Variants in SMYD2 observed in about 807,000 individuals in gnomAD.
SMYD2 encodes SET and MYND domain containing 2, also known as N-lysine methyltransferase SMYD2.
Under a neutral mutation model 59.1 loss-of-function variants are expected in SMYD2, and 53 were observed. That is an observed-to-expected ratio of 0.90 (90% CI 0.72 to 1.13). SMYD2 has a LOEUF of 1.13. Ranked by LOEUF, SMYD2 falls within the 50% of genes most tolerant of loss-of-function variation. The pLI, the probability that SMYD2 is intolerant of heterozygous loss-of-function variation, is 0.00. For missense variants in SMYD2, 494 were observed against 544.7 expected, an observed-to-expected ratio of 0.91 and a Z score of 0.93; for synonymous variants, 208 against 198.8, an observed-to-expected ratio of 1.05 and a Z score of -0.39.
chr1:214,297,814 A>T (rs896601444), intron 1 of SMYD2, among the ~76,000 whole-genome samples: 1 of 152,194 alleles, frequency 6.6e-6, no homozygotes, highest in African/African-American at 2.4e-5. Context: ...GCTATCAAAA[A>T]CTGTTAGCTT....
At chr1:214,284,254 GTTTTTTTTT>G (rs34049644) in intron 1 of SMYD2, among the ~76,000 whole-genome samples, 4 of 90,364 alleles carry the variant, frequency 4.4e-5, no homozygotes, top group Non-Finnish European at 8.0e-5. Flanking sequence ...TTTTGGTGTG[GTTTTTTTTT>G]TTTTTTTTTT....
chr1:214,316,164 A>G (rs1454899184), intron 3 of SMYD2, among the ~76,000 whole-genome samples: 2 of 152,168 alleles, frequency 1.3e-5, no homozygotes, highest in African/African-American at 2.4e-5. Context: ...CCTCTGGACT[A>G]TAAATCTTTT....
At chr1:214,295,846 C>T (rs1656717811) in intron 1 of SMYD2, among the ~76,000 whole-genome samples, 1 of 152,192 alleles carries the variant, frequency 6.6e-6, no homozygotes, top group Non-Finnish European at 1.5e-5. Context: ...ATTTTTATTT[C>T]TCTTAAACAA....
intron 2 of SMYD2, among the ~76,000 whole-genome samples, chr1:214,313,498 T>A (rs1329145122): frequency 6.6e-6 from 1 of 151,544 alleles, no homozygotes; most frequent in Admixed American, 6.6e-5. Flanking sequence ...CAACGTGCTC[T>A]GATATTTCCC....
Position 214,281,382 on chromosome 1 carries a change from T to G in SMYD2, c.128T>G (p.Leu43Arg), listed in dbSNP as rs1656439606. 1 of 1,466,418 alleles carries G rather than the reference T, an allele frequency of 6.8e-7. No homozygotes were observed. The highest frequency in any genetic ancestry group is 9.1e-7 in the Non-Finnish European group (1 of 1,103,250). The allele number at this position is 1,466,418 out of a possible 1,614,324, so 90.8% of individuals were successfully genotyped here. A position where few individuals can be genotyped will look rare whatever the true frequency, so the allele number is the denominator to read the frequency against. The stretch of plus-strand genomic sequence containing the variant: ...TCCTGCCCGGCCTATGCCTACGTGC[T>G]CACGGTCAACGAGCGGGGCAACCAC... The part of the protein sequence containing the change: ...LFSCPAYAYV[L>R]TVNERGNHCE... Residue 43 changes from leucine to arginine, a missense_variant, in exon 1 of 12, where the codon CTC (leucine) becomes CGC (arginine). By Grantham distance (102) the Leu-to-Arg change is moderately radical. Transcript: ENST00000366957.
intron 11 of SMYD2, 88 bp from the exon 12 acceptor site, chr1:214,336,616 G>A: frequency 8.4e-7 from 1 of 1,186,306 alleles, no homozygotes; most frequent in Non-Finnish European, 1.2e-6. Flanking sequence ...GTGCCTTAAA[G>A]CAGAGAGATC....
chr1:214,291,429 G>T (rs1299064503), intron 1 of SMYD2, among the ~76,000 whole-genome samples: 1 of 152,150 alleles, frequency 6.6e-6, no homozygotes, highest in Admixed American at 6.5e-5. Context: ...CACTGAAGGG[G>T]GTTGGAAGGG....
At chr1:214,311,009 G>A (rs1025118795) in intron 2 of SMYD2, among the ~76,000 whole-genome samples, 2 of 152,122 alleles carry the variant, frequency 1.3e-5, no homozygotes, top group African/African-American at 4.8e-5. Context: ...CGTTATTACT[G>A]TGGTAAATTT....
chr1:214,299,018 G>T (rs1166781041), intron 1 of SMYD2, among the ~76,000 whole-genome samples: 2 of 152,136 alleles, frequency 1.3e-5, no homozygotes, highest in African/African-American at 2.4e-5. Context: ...GGACATGGTA[G>T]TGTGTCCCTG....
At chr1:214,314,908 T>G (rs545494234) in intron 3 of SMYD2, 36 bp downstream of exon 3, 1 of 1,520,400 alleles carries the variant, frequency 6.6e-7, no homozygotes, top group East Asian at 2.3e-5. Flanking sequence ...TGCATTTTAT[T>G]TTGTTTTTCT....
At chr1:214,334,388 G>T in intron 11 of SMYD2, 80 bp downstream of exon 11, 1 of 1,300,752 alleles carries the variant, frequency 7.7e-7, no homozygotes, top group Admixed American at 1.7e-5. Context: ...TCACCAGGCT[G>T]AATGGCTGAA....
chr1:214,306,226 C>T (rs550822853), intron 2 of SMYD2, among the ~76,000 whole-genome samples: 5 of 152,252 alleles, frequency 3.3e-5, no homozygotes, highest in Admixed American at 2.0e-4. Flanking sequence ...CCATCCCCAC[C>T]CTCCAGCCCC....
At chr1:214,294,633 C>T (rs202150654) in intron 1 of SMYD2, among the ~76,000 whole-genome samples, 9 of 152,082 alleles carry the variant, frequency 5.9e-5, no homozygotes, top group East Asian at 1.9e-4. Context: ...ATTGTGCCAC[C>T]GCACTCCAGC....
At chr1:214,324,567 A>G in intron 5 of SMYD2, 74 bp from the exon 6 acceptor site, 1 of 1,343,802 alleles carries the variant, frequency 7.4e-7, no homozygotes, top group Non-Finnish European at 1.0e-6. Flanking sequence ...AAAAGTCAAA[A>G]TTTAAAAAAA....
intron 5 of SMYD2, among the ~76,000 whole-genome samples, chr1:214,321,606 CCTGGCAGCAG>C (rs1400610238): frequency 1.3e-5 from 2 of 152,180 alleles, no homozygotes; most frequent in Admixed American, 6.5e-5. Flanking sequence ...TACCTCGAGA[CCTGGCAGCAG>C]CTGGCAGCAG....
At chr1:214,289,277 G>T (rs1656599183) in intron 1 of SMYD2, among the ~76,000 whole-genome samples, 1 of 152,116 alleles carries the variant, frequency 6.6e-6, no homozygotes. Context: ...TACTGTATTT[G>T]GGTGTTTTAG....
chr1:214,287,403 A>G lies in SMYD2; in HGVS notation c.173+5976A>G, dbSNP rs186713629. Among the ~76,000 whole-genome samples the G allele has an allele frequency of 3.6e-3, 542 of 151,830 alleles. 4 individuals are homozygous for G. Among genetic ancestry groups the G allele is most frequent in the African/African-American group, 0.012 (501 of 41,440 alleles). On this transcript the variant is annotated intron_variant, in intron 1 of 11. Transcript: ENST00000366957. ...GGAGTTTGAGACCAGCCTGACCAACATGGTGAAACCTCATCTCTACTAAAA... is the reference window on the plus strand; with the variant it reads ...GGAGTTTGAGACCAGCCTGACCAACGTGGTGAAACCTCATCTCTACTAAAA...
intron 9 of SMYD2, 183 bp from the exon 10 acceptor site, chr1:214,331,835 G>T: frequency 1.6e-6 from 1 of 611,666 alleles, no homozygotes; most frequent in Non-Finnish European, 2.8e-6. Flanking sequence ...CCGACCTTCA[G>T]GTTTTCTTCA....
rs1358932232 is a variant in SMYD2, at chr1:214,312,314, A to T, written c.238-2448A>T. 6.6e-6 allele frequency among the ~76,000 whole-genome samples: 1 copy of T among 152,120 alleles called. No individual in the cohort carries two copies. Among genetic ancestry groups the T allele is most frequent in the African/African-American group, 2.4e-5 (1 of 41,420 alleles). On this transcript the variant is annotated intron_variant, in intron 2 of 11. Coordinates refer to ENST00000366957, the MANE Select transcript of SMYD2 (RefSeq NM_020197.3). This position sits in a 1 kb window ranked among gnomAD's most constrained non-coding sequence, Gnocchi z 4.1. ...GGTAGGGAGATATCTTCATTCCTTC[A>T]ACAACTATATTGAGTGCCTACTAAA...
Sources: allele counts gnomAD v4.1 joint callset (sites outside exome capture counted in the v4.1 genomes callset), GRCh38; gene constraint gnomAD v4.1.1; non-coding constraint Gnocchi (gnomAD v3.1); transcripts MANE v1.5; gene names NCBI Gene and HGNC (gene_info 2026-07-23, HGNC 2026-07-21).